The following AGBL1 variants were observed in gnomAD, a reference collection of about 807,000 sequenced individuals.
AGBL1 encodes cytosolic carboxypeptidase 4.
Under a neutral mutation model 118.9 loss-of-function variants are expected in AGBL1, and 130 were observed. The ratio of observed to expected loss-of-function variants is 1.09; its 90% CI spans 0.95 to 1.26. AGBL1 has a LOEUF of 1.26. AGBL1 is among the 50% of genes most tolerant of loss of function. The pLI, the probability that AGBL1 is intolerant of heterozygous loss-of-function variation, is 0.00. For missense variants in AGBL1, 1,584 were observed against 1,298.1 expected, an observed-to-expected ratio of 1.22 and a Z score of -3.38; for synonymous variants, 555 against 478.9, an observed-to-expected ratio of 1.16 and a Z score of -2.08.
chr15:86,515,364 C>T (rs58559667), intron 18 of AGBL1, among the ~76,000 whole-genome samples: 5,736 of 152,114 alleles, frequency 0.038, 396 homozygotes, highest in African/African-American at 0.13. Context: ...GGAATGTGTG[C>T]ATGTGTGCCT....
intron 21 of AGBL1, among the ~76,000 whole-genome samples, chr15:86,643,884 G>A (rs911781051): frequency 5.3e-5 from 8 of 152,124 alleles, no homozygotes; most frequent in Admixed American, 1.3e-4. Flanking sequence ...CCTTAGAGAA[G>A]AGCAGCTTTC....
intron 5 of AGBL1, among the ~76,000 whole-genome samples, chr15:86,209,730 C>T (rs1425988254): frequency 6.6e-6 from 1 of 152,036 alleles, no homozygotes; most frequent in Admixed American, 6.5e-5. Context: ...GATGGGTCTC[C>T]TGAATACAGC....
chr15:86,620,520 C>A lies in AGBL1; in HGVS notation c.2995-53753C>A, dbSNP rs1251644921. 3.3e-5 allele frequency among the ~76,000 whole-genome samples: 5 copies of A among 152,132 alleles called. No homozygotes were observed. The East Asian group carries it at 7.7e-4, about 23-fold the overall frequency. On this transcript the variant is annotated intron_variant, in intron 21 of 22. Transcript: ENST00000614907. ...TGTCTGCATGCTGACCTCTCATCTC[C>A]CAGACAGCTCCTTTGGCTTCCCCAG...
intron 22 of AGBL1, among the ~76,000 whole-genome samples, chr15:86,881,727 C>T (rs1217180520): frequency 1.3e-5 from 2 of 152,116 alleles, no homozygotes; most frequent in Non-Finnish European, 2.9e-5. Flanking sequence ...CTCCGCCTCC[C>T]GGGTTTTAAG....
intron 15 of AGBL1, 112 bp downstream of exon 15, chr15:86,271,818 C>T: frequency 9.8e-7 from 1 of 1,023,868 alleles, no homozygotes; most frequent in Non-Finnish European, 1.5e-6. Context: ...GTCTGCTAAA[C>T]TTTTTGTCAC....
intron 22 of AGBL1, among the ~76,000 whole-genome samples, chr15:86,803,075 G>A (rs899150995): frequency 6.6e-6 from 1 of 152,122 alleles, no homozygotes; most frequent in Admixed American, 6.6e-5. Flanking sequence ...CAAATGAGGG[G>A]CCATAGTATG....
At chr15:86,292,043 T>G (rs1316861321) in intron 16 of AGBL1, among the ~76,000 whole-genome samples, 5 of 152,192 alleles carry the variant, frequency 3.3e-5, no homozygotes, top group Non-Finnish European at 7.3e-5. Flanking sequence ...TAAGACACAG[T>G]TGGGTTTATT....
At chr15:86,921,079 A>T (rs1049617287), downstream of AGBL1, among the ~76,000 whole-genome samples, 1 of 152,210 alleles carries the variant, frequency 6.6e-6, no homozygotes, top group African/African-American at 2.4e-5. Context: ...AGGGAGGCAG[A>T]GGTTATAGGC....
intron 22 of AGBL1, among the ~76,000 whole-genome samples, chr15:86,873,065 C>G (rs2079752768): frequency 6.6e-6 from 1 of 152,174 alleles, no homozygotes; most frequent in African/African-American, 2.4e-5. Flanking sequence ...CTGCCAAACC[C>G]CAGGTCTCCA....
intron 21 of AGBL1, among the ~76,000 whole-genome samples, chr15:86,566,972 C>T (rs2083926979): frequency 6.6e-6 from 1 of 152,110 alleles, no homozygotes; most frequent in African/African-American, 2.4e-5. Context: ...ATAGTTCCTA[C>T]TTCATGGAGA....
chr15:86,433,524 C>T (rs113580278), intron 18 of AGBL1, among the ~76,000 whole-genome samples: 2 of 152,048 alleles, frequency 1.3e-5, no homozygotes, highest in African/African-American at 4.8e-5. Context: ...AATCCTGCCC[C>T]TTGACTGACA....
chr15:86,250,126 A>T (rs893775287), intron 7 of AGBL1, among the ~76,000 whole-genome samples: 2 of 152,206 alleles, frequency 1.3e-5, no homozygotes, highest in African/African-American at 4.8e-5. Flanking sequence ...TAAATAGGCC[A>T]TGACACATCT....
At chr15:86,134,744 G>A (rs2141620663) in intron 1 of AGBL1, among the ~76,000 whole-genome samples, 1 of 151,296 alleles carries the variant, frequency 6.6e-6, no homozygotes, top group Middle Eastern at 3.4e-3. Flanking sequence ...CTCCCGAGTA[G>A]CTAGGATTAC....
At chr15:86,894,341 A>G (rs541427343) in intron 22 of AGBL1, among the ~76,000 whole-genome samples, 1 of 152,298 alleles carries the variant, frequency 6.6e-6, no homozygotes, top group African/African-American at 2.4e-5. Context: ...AGAATAGCTA[A>G]CACCCTACTA....
rs552902445 is a variant in AGBL1 at position 86,577,217 on chromosome 15, G to A, written c.2994+22680G>A. Among the ~76,000 whole-genome samples the A allele has an allele frequency of 2.0e-5, 3 of 152,266 alleles. No individual in the cohort carries two copies. The South Asian group carries it at 6.2e-4, about 32-fold the overall frequency. ...TAAGGTGGTCTCACATGGAGATGAGGACCTTGTTGTGAACTGGAGCAAAAG... is the reference window on the plus strand; with the variant it reads ...TAAGGTGGTCTCACATGGAGATGAGAACCTTGTTGTGAACTGGAGCAAAAG... On this transcript the variant is annotated intron_variant, in intron 21 of 22. Transcript: ENST00000614907.
intron 17 of AGBL1, among the ~76,000 whole-genome samples, chr15:86,391,734 A>G (rs2081291274): frequency 7.0e-6 from 1 of 143,562 alleles, no homozygotes; most frequent in African/African-American, 2.6e-5. Flanking sequence ...CTGCAGAAGC[A>G]GGCAGGAACT....
intron 18 of AGBL1, among the ~76,000 whole-genome samples, chr15:86,476,343 G>A (rs2082558816): frequency 6.6e-6 from 1 of 152,148 alleles, no homozygotes; most frequent in East Asian, 1.9e-4. Flanking sequence ...CCCATCTCAA[G>A]TGCAGAGACA....
intron 16 of AGBL1, among the ~76,000 whole-genome samples, chr15:86,292,213 T>G (rs1372707269): frequency 6.6e-6 from 1 of 151,992 alleles, no homozygotes; most frequent in Non-Finnish European, 1.5e-5. Flanking sequence ...TGCGGGGTAA[T>G]CACAAGAGTC....
chr15:86,660,987 T>G (rs1031303114), intron 21 of AGBL1, among the ~76,000 whole-genome samples: 12 of 152,256 alleles, frequency 7.9e-5, no homozygotes, highest in Non-Finnish European at 1.8e-4. Context: ...TAATGTAAAT[T>G]CAGGGACTGA....
Sources: gnomAD v4.1 joint callset for allele counts (sites outside exome capture counted in the v4.1 genomes callset) on GRCh38, gnomAD v4.1.1 for gene constraint, MANE v1.5 for transcripts, NCBI Gene and HGNC (gene_info 2026-07-23, HGNC 2026-07-21) for gene names.